WDR41: variants seen among roughly 807,000 people sequenced by gnomAD.
WDR41 encodes the protein WD repeat-containing protein 41.
In WDR41, 63 loss-of-function variants were observed where a neutral mutation model predicts 69.3. The observed-to-expected ratio is 0.91, with a 90% confidence interval of 0.74 to 1.12. The LOEUF is 1.12. WDR41 is among the 50% of genes most tolerant of loss of function. WDR41 has a pLI of 0.00. For synonymous variants in WDR41, 185 were observed against 192.1 expected, an observed-to-expected ratio of 0.96 and a Z score of 0.31; for missense variants, 543 against 534.5, an observed-to-expected ratio of 1.02 and a Z score of -0.16.
At chr5:77,593,961 G>T (rs1744174618) in intron 1 of WDR41, among the ~76,000 whole-genome samples, 1 of 151,970 alleles carries the variant, frequency 6.6e-6, no homozygotes, top group Non-Finnish European at 1.5e-5. Flanking sequence ...GTAGACTGAA[G>T]CCCTGTCCAA....
intron 1 of WDR41, among the ~76,000 whole-genome samples, chr5:77,518,684 T>A (rs1230625148): frequency 6.6e-6 from 1 of 152,122 alleles, no homozygotes; most frequent in African/African-American, 2.4e-5. Context: ...GTAAGTTCTC[T>A]TCTGGAATAG....
chr5:77,576,084 A>G (rs1425278676), intron 1 of WDR41, among the ~76,000 whole-genome samples: 2 of 152,132 alleles, frequency 1.3e-5, no homozygotes, highest in Non-Finnish European at 2.9e-5. Context: ...ATCATGTTGT[A>G]ATACTTCATA....
At chr5:77,596,180 A>G (rs7728175) in intron 1 of WDR41, among the ~76,000 whole-genome samples, 83,020 of 152,054 alleles carry the variant, frequency 0.55, 23,429 homozygotes, top group African/African-American at 0.7. Flanking sequence ...ACAGAGTCTC[A>G]CTCTGTTGCC....
At chr5:77,514,714 T>C (rs533222430) in intron 1 of WDR41, among the ~76,000 whole-genome samples, 7 of 152,302 alleles carry the variant, frequency 4.6e-5, no homozygotes, top group Admixed American at 6.5e-5. Flanking sequence ...ACAACCTAGA[T>C]GGTATAGTCT....
At chr5:77,511,285 T>G (rs1023800398) in intron 1 of WDR41, among the ~76,000 whole-genome samples, 1 of 152,152 alleles carries the variant, frequency 6.6e-6, no homozygotes, top group African/African-American at 2.4e-5. Context: ...CAATAGATTA[T>G]CCTGTGCTCT....
chr5:77,432,975 G>C lies in WDR41; in HGVS notation c.*160C>G, dbSNP rs894278541. 4.3e-6 allele frequency: 3 copies of C among 696,056 alleles called. No homozygotes were observed. Among genetic ancestry groups the C allele is most frequent in the Middle Eastern group, 8.4e-4 (2 of 2,390 alleles). 43.1% of individuals were successfully genotyped at this position (696,056 alleles called of 1,614,324 possible). A position where few individuals can be genotyped will look rare whatever the true frequency, so the allele number is the denominator to read the frequency against. On this transcript the variant is annotated 3_prime_UTR_variant, in exon 13 of 13. Transcript: ENST00000296679. ...TATACTAGGACCTGAGAAGCAACAT[G>C]TTCCTGGTTGGTAGGTCCACAAAAA... is the stretch of plus-strand genomic sequence containing the variant.
At chr5:77,575,736 G>A (rs931712846) in intron 1 of WDR41, among the ~76,000 whole-genome samples, 2 of 151,174 alleles carry the variant, frequency 1.3e-5, no homozygotes, top group African/African-American at 4.9e-5. Context: ...AAAAACACTG[G>A]GAAGTATTAC....
Position 77,463,195 on chromosome 5 carries a change from T to G in WDR41, c.248A>C (p.His83Pro). 1.9e-6 allele frequency: 3 copies of G among 1,611,842 alleles called. No homozygotes were observed. The East Asian group carries it at 6.7e-5, about 36-fold the overall frequency. The change falls in exon 4 of 13, where the codon CAC (histidine) becomes CCC (proline). Residue 83 changes from histidine (H) to proline (P), a missense_variant. Transcript: ENST00000296679. ...TGEKLLELNG[H>P]TQKITAIITF... ...AATAATAGCTGTTATCTTTTGAGTG[T>G]GTCCATTCAGTTCTAAAAGTTTTTC...
At chr5:77,608,703 G>A (rs1039329064) in intron 1 of WDR41, among the ~76,000 whole-genome samples, 3 of 152,208 alleles carry the variant, frequency 2.0e-5, no homozygotes, top group African/African-American at 7.2e-5. Context: ...AACGGCTCTG[G>A]TCTACAGCTC....
intron 8 of WDR41, among the ~76,000 whole-genome samples, chr5:77,445,400 G>C (rs13182388): frequency 2.2e-3 from 336 of 152,156 alleles, no homozygotes; most frequent in Non-Finnish European, 2.8e-3. Flanking sequence ...ACAACTGAAA[G>C]AGGGACTTCC....
At chr5:77,562,925 C>G (rs989637039) in intron 1 of WDR41, among the ~76,000 whole-genome samples, 2 of 152,106 alleles carry the variant, frequency 1.3e-5, no homozygotes, top group African/African-American at 4.8e-5. Context: ...GTAAGATCTT[C>G]CGTGAAATTC....
chr5:77,532,725 CA>C (rs1478493798), intron 1 of WDR41, among the ~76,000 whole-genome samples: 1 of 151,770 alleles, frequency 6.6e-6, no homozygotes, highest in Non-Finnish European at 1.5e-5. Context: ...ATATGTAACT[CA>C]AAAACAGGCA....
intron 1 of WDR41, among the ~76,000 whole-genome samples, chr5:77,561,507 A>G (rs1161495179): frequency 6.6e-6 from 1 of 152,108 alleles, no homozygotes; most frequent in Admixed American, 6.6e-5. Context: ...ACATTTAAAT[A>G]ATGTTTCTAT....
chr5:77,470,667 C>A (rs958473876), intron 2 of WDR41, among the ~76,000 whole-genome samples: 7 of 152,072 alleles, frequency 4.6e-5, no homozygotes, highest in Non-Finnish European at 1.0e-4. Context: ...CAACAAAGAT[C>A]AAAAGAGACA....
intron 2 of WDR41, among the ~76,000 whole-genome samples, chr5:77,484,963 G>A (rs1401657730): frequency 6.6e-6 from 1 of 152,186 alleles, no homozygotes; most frequent in Non-Finnish European, 1.5e-5. Flanking sequence ...TCTTCATGAA[G>A]GACCCTCAGC....
intron 1 of WDR41, among the ~76,000 whole-genome samples, chr5:77,511,822 T>C (rs1020497665): frequency 4.0e-5 from 6 of 151,384 alleles, no homozygotes; most frequent in Non-Finnish European, 7.4e-5. Context: ...TAAATCTCCA[T>C]TTAGGTTACC....
At chr5:77,446,752 T>A (rs1799401055) in intron 8 of WDR41, among the ~76,000 whole-genome samples, 1 of 152,164 alleles carries the variant, frequency 6.6e-6, no homozygotes, top group Non-Finnish European at 1.5e-5. Context: ...GACCCCTTCC[T>A]TACACCTTAT....
chr5:77,515,533 AAG>A (rs749594270), intron 1 of WDR41, among the ~76,000 whole-genome samples: 1 of 152,210 alleles, frequency 6.6e-6, no homozygotes, highest in Non-Finnish European at 1.5e-5. Context: ...TAACAATAAA[AAG>A]AGTATAGTAA....
chr5:77,604,691 T>C (rs1416762087), intron 1 of WDR41, among the ~76,000 whole-genome samples: 1 of 152,208 alleles, frequency 6.6e-6, no homozygotes, highest in Non-Finnish European at 1.5e-5. Context: ...TAAATGTTCA[T>C]TATTCACTAC....
Sources: allele counts gnomAD v4.1 joint callset (sites outside exome capture counted in the v4.1 genomes callset), GRCh38; gene constraint gnomAD v4.1.1; transcripts MANE v1.5; gene names NCBI Gene and HGNC (gene_info 2026-07-23, HGNC 2026-07-21).